MED13L: variants seen among roughly 807,000 people sequenced by gnomAD.
MED13L encodes mediator complex subunit 13L, also known as mediator of RNA polymerase II transcription subunit 13-like.
In MED13L, 7 loss-of-function variants were observed where a neutral mutation model predicts 220.9. That is an observed-to-expected ratio of 0.03 (90% CI 0.02 to 0.06). The LOEUF is 0.06. Ranked by LOEUF, MED13L falls within the 10% of genes least tolerant of loss-of-function variation. MED13L has a pLI of 1.00. For missense variants in MED13L, 1,965 were observed against 2,760.5 expected, an observed-to-expected ratio of 0.71 and a Z score of 6.46; for synonymous variants, 1,011 against 1,015.2, an observed-to-expected ratio of 1.00 and a Z score of 0.08.
At chr12:116,254,110 A>AT (rs1338168610) in intron 1 of MED13L, among the ~76,000 whole-genome samples, 1 of 151,986 alleles carries the variant, frequency 6.6e-6, no homozygotes, top group Non-Finnish European at 1.5e-5. Context: ...CCTTACGGGG[A>AT]TATCAGAAAA....
chr12:116,052,530 G>A (rs562876398), intron 4 of MED13L, among the ~76,000 whole-genome samples: 91 of 152,250 alleles, frequency 6.0e-4, no homozygotes, highest in Non-Finnish European at 1.1e-3. Flanking sequence ...AAAATGTCTT[G>A]GTGCCATCCT....
chr12:116,046,010 A>G (rs1311019475), intron 4 of MED13L, among the ~76,000 whole-genome samples: 1 of 152,128 alleles, frequency 6.6e-6, no homozygotes, highest in East Asian at 1.9e-4. Flanking sequence ...AACTCTGGAG[A>G]AAGACATGCT....
chr12:116,221,143 G>A (rs927087863), intron 2 of MED13L, among the ~76,000 whole-genome samples: 3 of 152,132 alleles, frequency 2.0e-5, no homozygotes, highest in South Asian at 2.1e-4. Flanking sequence ...GGGAGGCTGA[G>A]GCAGGTGGAT....
chr12:116,062,009 A>G (rs556569227), intron 4 of MED13L, among the ~76,000 whole-genome samples: 69 of 2,098 alleles, frequency 0.033, no homozygotes, highest in South Asian at 0.16. Flanking sequence ...CTCCACATCG[A>G]AAAAAAAAAA....
At chr12:116,057,512 C>G (rs1819243475) in intron 4 of MED13L, among the ~76,000 whole-genome samples, 1 of 151,536 alleles carries the variant, frequency 6.6e-6, no homozygotes, top group African/African-American at 2.4e-5. Flanking sequence ...GTCATCAGCA[C>G]TCAGGTTCCA....
chr12:115,965,737 A>G (rs1876107945), intron 29 of MED13L, among the ~76,000 whole-genome samples: 1 of 152,216 alleles, frequency 6.6e-6, no homozygotes, highest in East Asian at 1.9e-4. Flanking sequence ...GCTGGTTATT[A>G]TACCTTCGAC....
chr12:116,171,925 T>C (rs750774029), intron 2 of MED13L, among the ~76,000 whole-genome samples: 1 of 152,212 alleles, frequency 6.6e-6, no homozygotes, highest in Non-Finnish European at 1.5e-5. Context: ...TTTGGGAAAT[T>C]TGGGTCTACC....
chr12:116,071,365 C>T (rs749568116), intron 4 of MED13L, among the ~76,000 whole-genome samples: 5 of 152,160 alleles, frequency 3.3e-5, no homozygotes, highest in Admixed American at 6.5e-5. Flanking sequence ...ACATTAATTC[C>T]ACATAAAATT....
intron 20 of MED13L, among the ~76,000 whole-genome samples, chr12:115,983,800 T>C (rs1336077270): frequency 6.6e-6 from 1 of 152,210 alleles, no homozygotes; most frequent in Non-Finnish European, 1.5e-5. Context: ...CCTTTCAGAC[T>C]GATTCCATGT....
At chr12:115,964,202 A>C (rs546540413) in intron 29 of MED13L, among the ~76,000 whole-genome samples, 1 of 152,248 alleles carries the variant, frequency 6.6e-6, no homozygotes, top group African/African-American at 2.4e-5. Flanking sequence ...ACCTTTAAAC[A>C]TAACAGTAAT....
chr12:116,208,414 A>C (rs556952108), intron 2 of MED13L, among the ~76,000 whole-genome samples: 17 of 152,322 alleles, frequency 1.1e-4, no homozygotes, highest in African/African-American at 4.1e-4. Flanking sequence ...AAGGATAACA[A>C]CTGCAATAAA....
At chr12:116,219,203 A>C (rs1466250607) in intron 2 of MED13L, among the ~76,000 whole-genome samples, 1 of 152,212 alleles carries the variant, frequency 6.6e-6, no homozygotes, top group East Asian at 1.9e-4. Context: ...CTTATTCTTA[A>C]CTTATATAGT....
chr12:116,065,325 G>A (rs534942165), intron 4 of MED13L, among the ~76,000 whole-genome samples: 8 of 152,120 alleles, frequency 5.3e-5, no homozygotes, highest in South Asian at 4.2e-4. Flanking sequence ...AATAAGGACC[G>A]GGAGGATAGC....
intron 2 of MED13L, among the ~76,000 whole-genome samples, chr12:116,221,807 A>G (rs1041724706): frequency 1.1e-4 from 17 of 152,344 alleles, no homozygotes; most frequent in African/African-American, 4.1e-4. Flanking sequence ...ATTAAGAGAC[A>G]TCAAACTAAT....
chr12:116,246,508 G>A (rs890798258), intron 1 of MED13L, among the ~76,000 whole-genome samples: 5 of 151,324 alleles, frequency 3.3e-5, no homozygotes, highest in African/African-American at 7.3e-5. Context: ...GTGGGGATGA[G>A]TTAAGTTTTA....
chr12:116,007,350 T>C (rs1879112832), intron 11 of MED13L, 61 bp downstream of exon 11: 1 of 1,473,600 alleles, frequency 6.8e-7, no homozygotes. Context: ...TTCCCACACA[T>C]GTTGTACTGA....
At chr12:116,143,462 G>A in intron 2 of MED13L, among the ~76,000 whole-genome samples, 1 of 152,168 alleles carries the variant, frequency 6.6e-6, no homozygotes, top group Non-Finnish European at 1.5e-5. Flanking sequence ...GGTGTGTCCT[G>A]AAGTTTCAAT....
intron 20 of MED13L, among the ~76,000 whole-genome samples, chr12:115,983,761 A>G (rs570110653): frequency 5.9e-5 from 9 of 152,322 alleles, no homozygotes; most frequent in Non-Finnish European, 1.0e-4. Context: ...CTTGTTTGAA[A>G]AGAGAAAATC....
At chr12:116,262,127 A>G (rs1006216626) in intron 1 of MED13L, among the ~76,000 whole-genome samples, 2 of 152,234 alleles carry the variant, frequency 1.3e-5, no homozygotes, top group Non-Finnish European at 2.9e-5. Flanking sequence ...ATAGGTATTA[A>G]AGAAAAGGTA....
Sources: gnomAD v4.1 joint callset for allele counts (sites outside exome capture counted in the v4.1 genomes callset) on GRCh38, gnomAD v4.1.1 for gene constraint, MANE v1.5 for transcripts, NCBI Gene and HGNC (gene_info 2026-07-23, HGNC 2026-07-21) for gene names.